The following DPH1 variants were observed in gnomAD, a reference collection of about 807,000 sequenced individuals.
DPH1 encodes the protein diphthamide biosynthesis 1.
A neutral mutation model predicts 55.3 loss-of-function variants in DPH1; 59 were observed. The observed-to-expected ratio is 1.07, with a 90% CI of 0.87 to 1.33. DPH1 has a LOEUF of 1.33. Among genes scored for constraint, DPH1 ranks in the 40% most tolerant of loss-of-function variants. DPH1 has a pLI of 0.00. For missense variants in DPH1, 628 were observed against 584.8 expected, an observed-to-expected ratio of 1.07 and a Z score of -0.76; for synonymous variants, 238 against 235.5, an observed-to-expected ratio of 1.01 and a Z score of -0.10.
At chr17:2,042,012 C>G (rs771592118) in intron 12 of DPH1, 137 bp downstream of exon 12, 4 of 1,493,108 alleles carry the variant, frequency 2.7e-6, no homozygotes, top group Non-Finnish European at 3.6e-6. Flanking sequence ...GGGGAAAGAC[C>G]GCTTCCGGTG....
chr17:2,033,628 G>T lies in DPH1; in HGVS notation c.185G>T (p.Trp62Leu). Reference protein sequence around the residue: ...NYNFEIPKTIWRIQQAQAKKV... With the variant: ...NYNFEIPKTILRIQQAQAKKV... ...AACTTTGAGATCCCCAAGACCATCT[G>T]GAGGATCCAACAAGCCCAGGCCAAG... The change falls in exon 2 of 13, where the codon TGG (tryptophan) becomes TTG (leucine). Residue 62 changes from tryptophan to leucine, a missense_variant. Transcript: ENST00000263083. The T allele has an allele frequency of 6.2e-7, 1 of 1,614,242 alleles. No homozygotes were observed.
rs537387783 is a variant in DPH1 at position 2,042,981 on chromosome 17, T to A, written c.*395T>A. On this transcript the variant is annotated 3_prime_UTR_variant, in exon 13 of 13. Coordinates refer to ENST00000263083, the MANE Select transcript of DPH1 (RefSeq NM_001383.6). ...ACAAAGTCATCCCCTCTCAGGAGAG[T>A]GTGCAACTGGCCAGCCAATTTCCCG... 44 of 1,614,058 alleles carry A rather than the reference T, an allele frequency of 2.7e-5. No homozygotes were observed. Among genetic ancestry groups the A allele is most frequent in the Non-Finnish European group, 3.2e-5 (38 of 1,180,036 alleles).
intron 7 of DPH1, 111 bp downstream of exon 7, chr17:2,039,934 T>G: frequency 6.6e-7 from 1 of 1,505,334 alleles, no homozygotes; most frequent in South Asian, 1.1e-5. Context: ...CCACCAGCCC[T>G]AAGGGTCTGA....
intron 3 of DPH1, among the ~76,000 whole-genome samples, 180 bp downstream of exon 3, chr17:2,034,022 T>C (rs549263680): frequency 2.2e-4 from 33 of 152,190 alleles, no homozygotes; most frequent in Non-Finnish European, 4.1e-4. Context: ...TCTCCCAGCT[T>C]GCTGAGAGCC....
rs747219178 is a variant in DPH1 at position 2,036,545 on chromosome 17, G to A, written c.417G>A (p.Ser139=). 4.3e-5 allele frequency: 70 copies of A among 1,613,894 alleles called. No individual in the cohort carries two copies. Among genetic ancestry groups the A allele is most frequent in the East Asian group, 1.3e-4 (6 of 44,898 alleles). Reference sequence around the variant, plus strand: ...CTCCCACAGTTCCCATGGACACCTCGGCCCAAGACTTCCGGGTGCTGTACG... The same window carrying A: ...CTCCCACAGTTCCCATGGACACCTCAGCCCAAGACTTCCGGGTGCTGTACG... ...GHSCLIPMDT[S]AQDFRVLYVF... The change falls in exon 5 of 13, where the codon TCG becomes TCA. Residue 139 remains serine (S), a synonymous_variant. Coordinates refer to ENST00000263083, the MANE Select transcript of DPH1 (RefSeq NM_001383.6). The surrounding 1 kb of genome is among the most constrained non-coding windows in gnomAD (Gnocchi z 4.8).
chr17:2,038,826 G>A (rs1436746044), intron 6 of DPH1: 1 of 152,150 alleles, frequency 6.6e-6, no homozygotes, highest in Non-Finnish European at 1.5e-5. Context: ...TTCCAAATGA[G>A]GATCTCTAGA....
In DPH1 at chr17:2,036,968, AT is replaced by A. The variant is rs776336168; in HGVS notation, c.680+13del. 4 of 1,610,464 alleles carry A rather than the reference AT, an allele frequency of 2.5e-6. No homozygotes were observed. The Admixed American group carries it at 6.8e-5, about 27-fold the overall frequency. On this transcript the variant is annotated intron_variant, in intron 6 of 12. Transcript: ENST00000263083. This position sits in a 1 kb window ranked among gnomAD's most constrained non-coding sequence, Gnocchi z 4.8. The stretch of plus-strand genomic sequence containing the variant: ...GTGGAGGCCGTTGTGTAAGTTAAAA[AT>A]GGGGGCCAAGTAAGTCCTAGAGACA...
Position 2,043,138 on chromosome 17 carries a change from C to G in DPH1, c.*552C>G. On this transcript the variant is annotated 3_prime_UTR_variant, in exon 13 of 13. Coordinates refer to ENST00000263083, the MANE Select transcript of DPH1 (RefSeq NM_001383.6). ...GAAATGTCTCTGCTCCTACATCCAG[C>G]TCCTCTAGGGGCAGCCTCCGTCATC... The G allele has an allele frequency of 1.3e-6, 2 of 1,598,894 alleles. No homozygotes were observed. The highest frequency in any genetic ancestry group is 1.7e-6 in the Non-Finnish European group (2 of 1,173,096).
chr17:2,036,218 G>A lies in DPH1; in HGVS notation c.400+127G>A, dbSNP rs1275001402. 3 of 1,456,010 alleles carry A rather than the reference G, an allele frequency of 2.1e-6. No homozygotes were observed. Among genetic ancestry groups the A allele is most frequent in the South Asian group, 2.7e-5 (2 of 73,156 alleles). The allele number at this position is 1,456,010 out of a possible 1,614,324, so 90.2% of individuals were successfully genotyped here. A position where few individuals can be genotyped will look rare whatever the true frequency, so the allele number is the denominator to read the frequency against. The stretch of plus-strand genomic sequence containing the variant: ...CACAAGGTCCCTCCTGGTTTCTGGG[G>A]TGGCCTCTGCCTTCCCGCTCTGCAG... On this transcript the variant is annotated intron_variant, in intron 4 of 12. Transcript: ENST00000263083. This position sits in a 1 kb window ranked among gnomAD's most constrained non-coding sequence, Gnocchi z 4.8.
At chr17:2,032,716 T>C (rs1242670359) in intron 1 of DPH1, among the ~76,000 whole-genome samples, 1 of 152,244 alleles carries the variant, frequency 6.6e-6, no homozygotes, top group African/African-American at 2.4e-5. Flanking sequence ...AACTTCCTGA[T>C]GGCTTACAAG....
chr17:2,040,530 T>C lies in DPH1; in HGVS notation c.932T>C (p.Leu311Ser). 1 of 1,614,210 alleles carries C rather than the reference T, an allele frequency of 6.2e-7. No individual in the cohort carries two copies. Among genetic ancestry groups the C allele is most frequent in the South Asian group, 1.1e-5 (1 of 91,092 alleles). ...LEHLESRLRALGLSFVRLLLS... is the reference protein window; with the variant it reads ...LEHLESRLRASGLSFVRLLLS... ...CACCTGGAATCTCGACTCCGAGCCT[T>C]GGGCCTTTCCTTTGTGAGGCTGCTG... Residue 311 changes from leucine to serine, a missense_variant, in exon 9 of 13, where the codon TTG (leucine) becomes TCG (serine). Transcript: ENST00000263083.
In DPH1 at chr17:2,041,576, C is replaced by T. The variant is rs756133272; in HGVS notation, c.1182C>T (p.Gly394=). ...TGGGGCCCTGGACGGTGAACCACGG[C>T]CAGGACCGCCGTCCCCACGCCCCGG... ...SSLGPWTVNH[G]QDRRPHAPGR... Residue 394 remains glycine (G), a synonymous_variant, in exon 11 of 13, where the codon GGC becomes GGT. Transcript: ENST00000263083. 1.6e-5 allele frequency: 26 copies of T among 1,610,714 alleles called. No individual in the cohort carries two copies. Among genetic ancestry groups the T allele is most frequent in the Non-Finnish European group, 5.9e-6 (7 of 1,178,828 alleles).
rs1187745169 is a variant in DPH1, at chr17:2,033,562, C to T, written c.119C>T (p.Pro40Leu). The stretch of plus-strand genomic sequence containing the variant: ...ATCCCCCCTGAGATCCTGAAGAACC[C>T]TCAGCTGCAGGCAGCAATCCGGGTC... ...NQIPPEILKN[P>L]QLQAAIRVLP... The change falls in exon 2 of 13, where the codon CCT (proline) becomes CTT (leucine). Residue 40 changes from proline to leucine, a missense_variant. Physicochemically the swap from Pro to Leu is moderately conservative, Grantham distance 98. Coordinates refer to ENST00000263083, the MANE Select transcript of DPH1 (RefSeq NM_001383.6). 7 of 1,614,102 alleles carry T rather than the reference C, an allele frequency of 4.3e-6. No homozygotes were observed. Among genetic ancestry groups the T allele is most frequent in the African/African-American group, 1.3e-5 (1 of 74,946 alleles).
chr17:2,039,835 G>C lies in DPH1; in HGVS notation c.749+12G>C, dbSNP rs2067486219. On this transcript the variant is annotated intron_variant, in intron 7 of 12. Transcript: ENST00000263083. ...GTCCCCGCTTACCGGTATGGGCTGG[G>C]CCGGGCTGGGCTGACCAGCTGGTGA... The C allele has an allele frequency of 1.9e-6, 3 of 1,613,978 alleles. No homozygotes were observed. Among genetic ancestry groups the C allele is most frequent in the Non-Finnish European group, 1.7e-6 (2 of 1,180,002 alleles).
chr17:2,041,921 T>TGGGAACGCCTTGGCGCTCCG, intron 12 of DPH1, 46 bp downstream of exon 12: 1 of 1,538,612 alleles, frequency 6.5e-7, no homozygotes, highest in South Asian at 1.2e-5. Context: ...GCCGTTGTCA[T>TGGGAACGCCTTGGCGCTCCG]GGGAACGCCT....
At chr17:2,032,760 T>A (rs2067347748) in intron 1 of DPH1, among the ~76,000 whole-genome samples, 1 of 152,234 alleles carries the variant, frequency 6.6e-6, no homozygotes, top group South Asian at 2.1e-4. Context: ...TTATTTATTT[T>A]TGAGATGGTG....
chr17:2,041,471 C>A lies in DPH1; in HGVS notation c.1087-10C>A. The A allele has an allele frequency of 6.3e-7, 1 of 1,596,980 alleles. No homozygotes were observed. Among genetic ancestry groups the A allele is most frequent in the South Asian group, 1.1e-5 (1 of 89,046 alleles). On this transcript the variant is annotated splice_polypyrimidine_tract_variant and intron_variant, in intron 10 of 12. Coordinates refer to ENST00000263083, the MANE Select transcript of DPH1 (RefSeq NM_001383.6). ...GGCAGATGTTATTGTCCCTCCCTCC[C>A]CTCCCCTAGGCGGCCGTGGCTCTGA...
chr17:2,041,312 C>T (rs1434999077), intron 10 of DPH1, 131 bp downstream of exon 10: 1 of 1,450,514 alleles, frequency 6.9e-7, no homozygotes, highest in Non-Finnish European at 9.4e-7. Flanking sequence ...ATTTCTCCAG[C>T]GGAGTCACTT....
In DPH1 at chr17:2,040,372, G is replaced by T; in HGVS notation, c.904G>T (p.Glu302Ter). 1 of 1,613,944 alleles carries T rather than the reference G, an allele frequency of 6.2e-7. No homozygotes were observed. Among genetic ancestry groups the T allele is most frequent in the Non-Finnish European group, 8.5e-7 (1 of 1,180,036 alleles). ...LGRQGSPKILEHLESRLRALG... is the reference protein window; with the variant it reads ...LGRQGSPKIL ...CCGCCAGGGCAGTCCTAAGATCCTG[G>T]AGGTCAGTGGGCTCAGGACAGCCTC... is the stretch of plus-strand genomic sequence containing the variant. The change falls in exon 8 of 13, where the codon GAG becomes TAG. Residue 302 changes from glutamate (E) to a stop codon, truncating the protein, a stop_gained and splice_region_variant. Transcript: ENST00000263083. LOFTEE classifies it high-confidence loss of function.
Sources: allele counts gnomAD v4.1 joint callset (sites outside exome capture counted in the v4.1 genomes callset), GRCh38; gene constraint gnomAD v4.1.1; non-coding constraint Gnocchi (gnomAD v3.1); transcripts MANE v1.5; gene names NCBI Gene and HGNC (gene_info 2026-07-23, HGNC 2026-07-21).